BMP8B: variants seen among roughly 807,000 people sequenced by gnomAD.
BMP8B encodes the protein bone morphogenetic protein 8b, also known as bone morphogenetic protein 8 (osteogenic protein 2).
A neutral mutation model predicts 30.3 loss-of-function variants in BMP8B; 17 were observed. The observed-to-expected ratio is 0.56, with a 90% CI of 0.38 to 0.84. The LOEUF (loss-of-function observed/expected upper bound fraction) is 0.84. BMP8B is among the 40% of genes least tolerant of loss of function. The pLI is 0.00. For missense variants in BMP8B, 253 were observed against 494.6 expected (o/e 0.51, Z 4.63); for synonymous variants, 131 against 214.7 (o/e 0.61, Z 3.41).
At chr1:39,781,249 A>G (rs1265683466) in intron 1 of BMP8B, among the ~76,000 whole-genome samples, 2 of 152,214 alleles carry the variant, frequency 1.3e-5, no homozygotes, top group East Asian at 3.8e-4. Flanking sequence ...TCTTGCAGCC[A>G]TCAACTTCCC....
intron 3 of BMP8B, among the ~76,000 whole-genome samples, chr1:39,771,583 C>T (rs892589303): frequency 3.3e-5 from 5 of 151,246 alleles, no homozygotes; most frequent in African/African-American, 1.2e-4. Flanking sequence ...CCAACCACCC[C>T]GCCCAAGCTT....
In BMP8B at chr1:39,757,642, AAAC is replaced by A. The variant is rs1177028897; in HGVS notation, c.*2774_*2776del. 6.6e-6 allele frequency: 1 copy of A among 152,246 alleles called. No homozygotes were observed. Among genetic ancestry groups the A allele is most frequent in the African/African-American group, 2.4e-5 (1 of 41,442 alleles). 9.4% of individuals were successfully genotyped at this position (152,246 alleles called of 1,614,324 possible). On this transcript the variant is annotated 3_prime_UTR_variant, in exon 7 of 7. Transcript: ENST00000372827. ...TTTCTCATTGCTGTCAGTAGATCTG[AAAC>A]AACCACCACCATCATCCTTCCAACC...
At position 39,769,810 on chromosome 1, in the gene BMP8B, C is replaced by T. The variant is rs141827821; in HGVS notation, c.673+4498G>A. 187 of 1,613,720 alleles carry T rather than the reference C, an allele frequency of 1.2e-4. No individual in the cohort carries two copies. In the African/African-American group the frequency reaches 2.2e-3, roughly 19 times the overall value. On this transcript the variant is annotated intron_variant, in intron 3 of 6. Transcript: ENST00000372827. ...TCAGGCCCTCCCAGAGCTCCCTCAG[C>T]GTCAGCTCTTTCTTCCTGTGCACGT...
intron 1 of BMP8B, among the ~76,000 whole-genome samples, chr1:39,777,081 G>T (rs550935718): frequency 2.2e-4 from 34 of 152,310 alleles, no homozygotes; most frequent in Non-Finnish European, 4.3e-4. Flanking sequence ...TCTCTCAGGC[G>T]TTGCTGATAG....
intron 1 of BMP8B, among the ~76,000 whole-genome samples, chr1:39,778,499 C>G (rs1468416028): frequency 6.6e-6 from 1 of 151,246 alleles, no homozygotes; most frequent in Non-Finnish European, 1.5e-5. Context: ...GAAGGGGCTT[C>G]TCCCACCCAG....
chr1:39,762,704 G>A (rs1478949900), intron 6 of BMP8B: 8 of 1,471,076 alleles, frequency 5.4e-6, no homozygotes, highest in East Asian at 5.0e-5. Context: ...ATCACGGGCG[G>A]TCAGACTTGC....
chr1:39,757,789 G>A lies in BMP8B; in HGVS notation c.*2630C>T, dbSNP rs1648447554. On this transcript the variant is annotated 3_prime_UTR_variant, in exon 7 of 7. Transcript: ENST00000372827. ...GATGCACATGCTTGGCTCAGCAAAC[G>A]GATAAGGATTAAATTCATGGACTTT... 1 of 152,196 alleles carries A rather than the reference G, an allele frequency of 6.6e-6. No homozygotes were observed. Among genetic ancestry groups the A allele is most frequent in the African/African-American group, 2.4e-5 (1 of 41,426 alleles). The allele number at this position is 152,196 out of a possible 1,614,324, so 9.4% of individuals were successfully genotyped here. A position where few individuals can be genotyped will look rare whatever the true frequency, so the allele number is the denominator to read the frequency against.
chr1:39,787,858 G>T (rs1651096400), intron 1 of BMP8B, among the ~76,000 whole-genome samples: 1 of 152,226 alleles, frequency 6.6e-6, no homozygotes, highest in South Asian at 2.1e-4. Flanking sequence ...TCCCGGGGCA[G>T]CCCAGGTGGG....
intron 1 of BMP8B, among the ~76,000 whole-genome samples, chr1:39,778,250 C>G (rs1394093289): frequency 6.6e-6 from 1 of 151,940 alleles, no homozygotes; most frequent in African/African-American, 2.4e-5. Context: ...CATGTGACTC[C>G]ATCAGAAGCC....
chr1:39,777,061 A>T (rs186870094), intron 1 of BMP8B, among the ~76,000 whole-genome samples: 107 of 152,350 alleles, frequency 7.0e-4, no homozygotes, highest in African/African-American at 2.6e-3. Flanking sequence ...TTAAGATCAG[A>T]CATGAACATT....
At position 39,768,076 on chromosome 1, in the gene BMP8B, G is replaced by A. The variant is rs1185530628; in HGVS notation, c.674-3259C>T. On this transcript the variant is annotated intron_variant, in intron 3 of 6. Transcript: ENST00000372827. The stretch of plus-strand genomic sequence containing the variant: ...GGTTGTCAACAGCACGTGTGCACGC[G>A]TGCATGCACACACACACACACACAC... 2.7e-4 allele frequency among the ~76,000 whole-genome samples: 40 copies of A among 148,306 alleles called. 1 individual carries two copies. The highest frequency in any genetic ancestry group is 1.7e-3 in the Admixed American group (25 of 14,960).
rs138789145 is a variant in BMP8B, at chr1:39,770,539, G to C, written c.673+3769C>G. ...TCTCTTCCACCTCCACCGCCGTGAC[G>C]TCTGCAGCTTTGCACATGGGCACGT... On this transcript the variant is annotated intron_variant, in intron 3 of 6. Coordinates refer to ENST00000372827, the MANE Select transcript of BMP8B (RefSeq NM_001720.5). 1.2e-4 allele frequency: 192 copies of C among 1,609,884 alleles called. 9 individuals are homozygous for C. In the African/African-American group the frequency reaches 2.4e-3, roughly 20 times the overall value.
chr1:39,779,334 C>T (rs956370160), intron 1 of BMP8B, among the ~76,000 whole-genome samples: 1 of 152,130 alleles, frequency 6.6e-6, no homozygotes, highest in African/African-American at 2.4e-5. Flanking sequence ...GCTCTTGGCA[C>T]TCGCTGCCTC....
intron 1 of BMP8B, among the ~76,000 whole-genome samples, chr1:39,782,279 A>G (rs2124500920): frequency 6.6e-6 from 1 of 152,222 alleles, no homozygotes; most frequent in East Asian, 1.9e-4. Context: ...CCCCCACAGC[A>G]TCCACTACAA....
intron 1 of BMP8B, among the ~76,000 whole-genome samples, chr1:39,777,640 CA>C (rs1360275403): frequency 6.6e-6 from 1 of 152,240 alleles, no homozygotes; most frequent in African/African-American, 2.4e-5. Flanking sequence ...CTCACCCAGA[CA>C]ACCTAAATCT....
intron 3 of BMP8B, 144 bp downstream of exon 3, chr1:39,774,164 A>G: frequency 1.8e-5 from 1 of 54,478 alleles, no homozygotes; most frequent in Non-Finnish European, 3.6e-5. Flanking sequence ...CACCCCCACT[A>G]GGCCAGACCT....
At chr1:39,766,081 G>T (rs911817044) in intron 3 of BMP8B, among the ~76,000 whole-genome samples, 3 of 151,362 alleles carry the variant, frequency 2.0e-5, no homozygotes, top group East Asian at 3.8e-4. Flanking sequence ...GTTTAAATAA[G>T]TCTCCACAAT....
chr1:39,771,876 T>C (rs1268174572), intron 3 of BMP8B, among the ~76,000 whole-genome samples: 5 of 100,104 alleles, frequency 5.0e-5, no homozygotes, highest in African/African-American at 8.0e-5. Flanking sequence ...CCCCCCGCCC[T>C]CTCCACCTCC....
At chr1:39,761,430 AC>A (rs1231491050) in intron 6 of BMP8B, 2 of 79,686 alleles carry the variant, frequency 2.5e-5, no homozygotes, top group African/African-American at 5.0e-5. Context: ...CACCACCCCC[AC>A]CCCCAATCCC....
Sources: gnomAD v4.1 joint callset for allele counts (sites outside exome capture counted in the v4.1 genomes callset) on GRCh38, gnomAD v4.1.1 for gene constraint, MANE v1.5 for transcripts, NCBI Gene and HGNC (gene_info 2026-07-23, HGNC 2026-07-21) for gene names.